The following STRN4 variants were observed in gnomAD, a reference collection of about 807,000 sequenced individuals.
The protein encoded by STRN4 is striatin 4.
A neutral mutation model predicts 77.9 loss-of-function variants in STRN4; 27 were observed. The ratio of observed to expected loss-of-function variants is 0.35; its 90% confidence interval spans 0.26 to 0.48. The LOEUF is 0.48. Among genes scored for constraint, STRN4 ranks in the 20% least tolerant of loss-of-function variants. The pLI is 0.99. For synonymous variants in STRN4, 466 were observed against 443.1 expected, an observed-to-expected ratio of 1.05 and a Z score of -0.65; for missense variants, 798 against 1,049.7, an observed-to-expected ratio of 0.76 and a Z score of 3.31.
At chr19:46,727,753 C>CA in intron 8 of STRN4, 141 bp downstream of exon 8, 1 of 825,008 alleles carries the variant, frequency 1.2e-6, no homozygotes. Flanking sequence ...GACAGACAGA[C>CA]AGACGAACTT....
chr19:46,736,993 C>T (rs1405996696), intron 3 of STRN4, 92 bp from the exon 4 acceptor site: 38 of 1,266,128 alleles, frequency 3.0e-5, no homozygotes, highest in Admixed American at 1.3e-4. Flanking sequence ...CAACCCAAAT[C>T]GGTCACTGTC....
intron 16 of STRN4, 152 bp from the exon 17 acceptor site, chr19:46,720,923 G>A (rs539575749): frequency 6.6e-5 from 56 of 845,674 alleles, no homozygotes; most frequent in African/African-American, 1.1e-4. Context: ...CCTGTGGCCC[G>A]CCCAAAGGAG....
chr19:46,733,059 C>T lies in STRN4; in HGVS notation c.717G>A (p.Gln239=), dbSNP rs758245175. 9 of 1,611,672 alleles carry T rather than the reference C, an allele frequency of 5.6e-6. No homozygotes were observed. The highest frequency in any genetic ancestry group is 7.6e-6 in the Non-Finnish European group (9 of 1,178,140). Residue 239 remains glutamine, a synonymous_variant, in exon 5 of 18, where the codon CAG becomes CAA. Transcript: ENST00000263280. The surrounding 1 kb of genome is among the most constrained non-coding windows in gnomAD (Gnocchi z 4.3). The part of the protein sequence containing the change: ...LSGGESLLVK[Q]IEEQIKRNAA... ...CTCACCTCTTTATCTGCTCCTCGAT[C>T]TGTTTCACCAGCAGCGACTCCCCAC...
chr19:46,727,241 G>A (rs548883704), intron 9 of STRN4, among the ~76,000 whole-genome samples: 1 of 152,092 alleles, frequency 6.6e-6, no homozygotes, highest in Admixed American at 6.5e-5. Flanking sequence ...CAGAGTGGAG[G>A]AGCCGTGGAA....
chr19:46,720,421 G>A, intron 17 of STRN4, 83 bp from the exon 18 acceptor site: 1 of 740,188 alleles, frequency 1.4e-6, no homozygotes, highest in African/African-American at 1.8e-5. Context: ...TGCATGCCCA[G>A]GGCTCCCCCA....
chr19:46,740,250 C>G (rs192679858), intron 1 of STRN4: 1 of 152,262 alleles, frequency 6.6e-6, no homozygotes, highest in East Asian at 1.9e-4. Flanking sequence ...GATCGTGCCA[C>G]TGCACTCCAG....
intron 7 of STRN4, 97 bp downstream of exon 7, chr19:46,728,521 G>A (rs1270241739): frequency 6.9e-7 from 1 of 1,450,346 alleles, no homozygotes; most frequent in Non-Finnish European, 9.2e-7. Context: ...GTCCGGTAGA[G>A]AGACCCTGTA....
intron 12 of STRN4, among the ~76,000 whole-genome samples, chr19:46,724,305 A>G (rs2054055103): frequency 6.6e-6 from 1 of 150,452 alleles, no homozygotes; most frequent in Admixed American, 6.6e-5. Context: ...GATGTTGAAC[A>G]GAAGTGACAG....
Position 46,733,537 on chromosome 19 carries a change from G to A in STRN4, c.540-301C>T, listed in dbSNP as rs775962903. 1.4e-5 allele frequency: 5 copies of A among 364,400 alleles called. No homozygotes were observed. Among genetic ancestry groups the A allele is most frequent in the African/African-American group, 2.1e-5 (1 of 48,212 alleles). The allele number at this position is 364,400 out of a possible 1,614,324, so 22.6% of individuals were successfully genotyped here. A position where few individuals can be genotyped will look rare whatever the true frequency, so the allele number is the denominator to read the frequency against. ...GCTGTGTCAGCAAATGACTCATAGC[G>A]CTGCAAGGCAGAAGATCAACAGGGC... On this transcript the variant is annotated intron_variant, in intron 4 of 17. Coordinates refer to ENST00000263280, the MANE Select transcript of STRN4 (RefSeq NM_013403.3). This position sits in a 1 kb window ranked among gnomAD's most constrained non-coding sequence, Gnocchi z 4.3.
intron 1 of STRN4, among the ~76,000 whole-genome samples, chr19:46,743,486 C>T (rs1346466393): frequency 6.6e-6 from 1 of 152,152 alleles, no homozygotes; most frequent in African/African-American, 2.4e-5. Flanking sequence ...TCCCAGAGGC[C>T]AAGATTCAGT....
At chr19:46,726,153 A>C (rs76532103) in intron 9 of STRN4, 1,970 of 160,090 alleles carry the variant, frequency 0.012, 20 homozygotes, top group Non-Finnish European at 0.019. Flanking sequence ...CAGGCCTGAG[A>C]GGTCAGTGGT....
In STRN4 at chr19:46,746,185, C is replaced by G; in HGVS notation, c.246G>C (p.Glu82Asp). The G allele has an allele frequency of 6.5e-7, 1 of 1,539,318 alleles. No homozygotes were observed. The highest frequency in any genetic ancestry group is 8.7e-7 in the Non-Finnish European group (1 of 1,150,944). The change falls in exon 1 of 18, where the codon GAG becomes GAC. Residue 82 changes from glutamate (E) to aspartate (D), a missense_variant. Around this residue, in one of 2 missense-constraint regions of STRN4, gnomAD observed 511 missense variants for 575.9 expected, o/e 0.89. Transcript: ENST00000263280. ...CGCGCTCGGCCTCCCAGCGGGCTTT[C>G]TCGGCTTCGAAGCGCGCCCACTCGT... is the stretch of plus-strand genomic sequence containing the variant. ...IQHEWARFEA[E>D]KARWEAERAE...
chr19:46,730,508 CCTT>C (rs1461012508), intron 6 of STRN4, among the ~76,000 whole-genome samples: 2 of 152,188 alleles, frequency 1.3e-5, no homozygotes, highest in Non-Finnish European at 2.9e-5. Context: ...ACAGGTGCCT[CCTT>C]CATAGGCACA....
chr19:46,746,125 CG>C, intron 1 of STRN4, 23 bp downstream of exon 1: 6 of 1,426,294 alleles, frequency 4.2e-6, no homozygotes, highest in East Asian at 3.3e-5. Context: ...GGTTGGGGGT[CG>C]GGGGTCCCGG....
rs985706278 is a variant in STRN4 at position 46,738,554 on chromosome 19, G to A, written c.386+231C>T. On this transcript the variant is annotated intron_variant, in intron 2 of 17. Transcript: ENST00000263280. The surrounding 1 kb of genome is among the most constrained non-coding windows in gnomAD (Gnocchi z 4.5). ...GGGATAACGGAGGTAAGGACTATACGATATTTGGCGCACAGTGGGCCACTA... is the reference window on the plus strand; with the variant it reads ...GGGATAACGGAGGTAAGGACTATACAATATTTGGCGCACAGTGGGCCACTA... 4.6e-5 allele frequency among the ~76,000 whole-genome samples: 7 copies of A among 152,206 alleles called. No homozygotes were observed. The highest frequency in any genetic ancestry group is 1.9e-4 in the East Asian group (1 of 5,202).
intron 6 of STRN4, 98 bp downstream of exon 6, chr19:46,730,634 G>A: frequency 2.0e-6 from 3 of 1,527,902 alleles, no homozygotes; most frequent in Non-Finnish European, 2.7e-6. Flanking sequence ...CCTGCTGCCA[G>A]CACACACCGC....
In STRN4 at chr19:46,733,028, C is replaced by A; in HGVS notation, c.737+11G>T. On this transcript the variant is annotated intron_variant, in intron 5 of 17. Coordinates refer to ENST00000263280, the MANE Select transcript of STRN4 (RefSeq NM_013403.3). The surrounding 1 kb of genome is among the most constrained non-coding windows in gnomAD (Gnocchi z 4.3). ...AACAGAGAGACACACCTGCCATGTCCACGGGCTCACCTCTTTATCTGCTCC... is the reference window on the plus strand; with the variant it reads ...AACAGAGAGACACACCTGCCATGTCAACGGGCTCACCTCTTTATCTGCTCC... The A allele has an allele frequency of 6.2e-7, 1 of 1,602,848 alleles. No individual in the cohort carries two copies. Among genetic ancestry groups the A allele is most frequent in the Non-Finnish European group, 8.5e-7 (1 of 1,171,460 alleles).
intron 1 of STRN4, among the ~76,000 whole-genome samples, chr19:46,742,690 G>A (rs1292091566): frequency 6.6e-6 from 1 of 152,092 alleles, no homozygotes; most frequent in South Asian, 2.1e-4. Context: ...AGCCTCCCGA[G>A]TAGCTGGGAC....
At position 46,738,536 on chromosome 19, in the gene STRN4, C is replaced by T. The variant is rs143899947; in HGVS notation, c.386+249G>A. Among the ~76,000 whole-genome samples, 144 of 152,294 alleles carry T rather than the reference C, an allele frequency of 9.5e-4. No individual in the cohort carries two copies. Among genetic ancestry groups the T allele is most frequent in the African/African-American group, 3.1e-3 (127 of 41,556 alleles). On this transcript the variant is annotated intron_variant, in intron 2 of 17. Transcript: ENST00000263280. This position sits in a 1 kb window ranked among gnomAD's most constrained non-coding sequence, Gnocchi z 4.5. ...GGCTATTGGAAGGTATAAGGGATAA[C>T]GGAGGTAAGGACTATACGATATTTG...
Sources: allele counts gnomAD v4.1 joint callset (sites outside exome capture counted in the v4.1 genomes callset), GRCh38; gene constraint gnomAD v4.1.1; regional missense constraint gnomAD v4.1.1; non-coding constraint Gnocchi (gnomAD v3.1); transcripts MANE v1.5; gene names NCBI Gene and HGNC (gene_info 2026-07-23, HGNC 2026-07-21).